The following DDN variants were observed in gnomAD, a reference collection of about 807,000 sequenced individuals.
The protein encoded by DDN is dendrin.
In DDN, 4 loss-of-function variants were observed where a neutral mutation model predicts 7.3. That is an observed-to-expected ratio of 0.55 (90% confidence interval 0.27 to 1.25). The LOEUF (loss-of-function observed/expected upper bound fraction) is 1.25. Among genes scored for constraint, DDN ranks in the 50% most tolerant of loss-of-function variants. The pLI is 0.12. For synonymous variants in DDN, 425 were observed against 424.3 expected (o/e 1.00, Z -0.02); for missense variants, 933 against 974.7 (o/e 0.96, Z 0.57).
At position 48,996,966 on chromosome 12, in the gene DDN, T is replaced by A. The variant is rs776634644; in HGVS notation, c.1910A>T (p.His637Leu). 6.3e-7 allele frequency: 1 copy of A among 1,576,122 alleles called. No individual in the cohort carries two copies. The highest frequency in any genetic ancestry group is 1.1e-5 in the South Asian group (1 of 87,902). ...GTCGCTTCCATCAGAGGAGCCGCTA[T>A]GGACGCTGAGCTCCTCAGCTTCGTC... The part of the protein sequence containing the change: ...DTDEAEELSV[H>L]SGSSDGSDTE... Residue 637 changes from histidine to leucine, a missense_variant, in exon 2 of 2, where the codon CAT becomes CTT. Physicochemically the swap from His to Leu is moderately conservative, Grantham distance 99. Transcript: ENST00000421952.
At position 48,996,588 on chromosome 12, in the gene DDN, G is replaced by A; in HGVS notation, c.*152C>T. The A allele has an allele frequency of 1.5e-6, 2 of 1,297,270 alleles. No homozygotes were observed. The highest frequency in any genetic ancestry group is 2.1e-6 in the Non-Finnish European group (2 of 972,484). The allele number at this position is 1,297,270 out of a possible 1,614,324, so 80.4% of individuals were successfully genotyped here. On this transcript the variant is annotated 3_prime_UTR_variant, in exon 2 of 2. Coordinates refer to ENST00000421952, the MANE Select transcript of DDN (RefSeq NM_015086.2). ...GAAACAAAATCATTAATGGGCATAT[G>A]CTTCCCTTCCTTTCATTTATATTTC...
Position 48,995,777 on chromosome 12 carries a change from T to A in DDN, c.*963A>T, listed in dbSNP as rs1941196187. 1 of 152,394 alleles carries A rather than the reference T, an allele frequency of 6.6e-6. No homozygotes were observed. The highest frequency in any genetic ancestry group is 1.5e-5 in the Non-Finnish European group (1 of 68,166). 9.4% of individuals were successfully genotyped at this position (152,394 alleles called of 1,614,324 possible). Reference sequence around the variant, plus strand: ...CGCCTCAGAGCATCACTAAGGAGCATCGGGGTGGAGGAAAAGGGGAAGGCC... The same window carrying A: ...CGCCTCAGAGCATCACTAAGGAGCAACGGGGTGGAGGAAAAGGGGAAGGCC... On this transcript the variant is annotated 3_prime_UTR_variant, in exon 2 of 2. Coordinates refer to ENST00000421952, the MANE Select transcript of DDN (RefSeq NM_015086.2).
rs1555180011 is a variant in DDN at position 48,995,368 on chromosome 12, G to C, written c.*1372C>G. ...CAGACAGAGGAGGTGTCCAAGGATC[G>C]GAGAGAAAAAAAAAAAGACTTCGGT... On this transcript the variant is annotated 3_prime_UTR_variant, in exon 2 of 2. Transcript: ENST00000421952. 6.6e-6 allele frequency: 1 copy of C among 152,378 alleles called. No homozygotes were observed. Among genetic ancestry groups the C allele is most frequent in the Admixed American group, 6.6e-5 (1 of 15,266 alleles). The allele number at this position is 152,378 out of a possible 1,614,324, so 9.4% of individuals were successfully genotyped here. A position where few individuals can be genotyped will look rare whatever the true frequency, so the allele number is the denominator to read the frequency against.
At position 48,996,634 on chromosome 12, in the gene DDN, G is replaced by C. The variant is rs969928687; in HGVS notation, c.*106C>G. 1.8e-5 allele frequency: 27 copies of C among 1,475,540 alleles called. No individual in the cohort carries two copies. The highest frequency in any genetic ancestry group is 2.1e-4 in the Middle Eastern group (1 of 4,876). 91.4% of individuals were successfully genotyped at this position (1,475,540 alleles called of 1,614,324 possible). ...ATTTCAAGGATGAGAACAGGTATGGGTAAAGATACAAGGAAAAGAGAAGCA... is the reference window on the plus strand; with the variant it reads ...ATTTCAAGGATGAGAACAGGTATGGCTAAAGATACAAGGAAAAGAGAAGCA... On this transcript the variant is annotated 3_prime_UTR_variant, in exon 2 of 2. Transcript: ENST00000421952.
rs1475767790 is a variant in DDN at position 48,997,777 on chromosome 12, G to A, written c.1099C>T (p.His367Tyr). 42 of 1,611,654 alleles carry A rather than the reference G, an allele frequency of 2.6e-5. No individual in the cohort carries two copies. Among genetic ancestry groups the A allele is most frequent in the Non-Finnish European group, 3.5e-5 (41 of 1,178,362 alleles). The change falls in exon 2 of 2, where the codon CAC becomes TAC. Residue 367 changes from histidine (H) to tyrosine (Y), a missense_variant. By Grantham distance (83) the His-to-Tyr change is moderately conservative. Transcript: ENST00000421952. ...TTCCCTTCCCTCGAGCCCTTGAGGTGGTGCCTGGATCTGGGAGCGGGATGC... is the reference window on the plus strand; with the variant it reads ...TTCCCTTCCCTCGAGCCCTTGAGGTAGTGCCTGGATCTGGGAGCGGGATGC... ...APHPAPRSRH[H>Y]LKGSREGKEG... is the part of the protein sequence containing the mutation.
At position 48,995,390 on chromosome 12, in the gene DDN, C is replaced by A. The variant is rs559234786; in HGVS notation, c.*1350G>T. On this transcript the variant is annotated 3_prime_UTR_variant, in exon 2 of 2. Transcript: ENST00000421952. ...ATCGGAGAGAAAAAAAAAAAGACTT[C>A]GGTGTCTGAGTCCCAAGCCGGCTGG... 1 of 152,402 alleles carries A rather than the reference C, an allele frequency of 6.6e-6. No homozygotes were observed. The highest frequency in any genetic ancestry group is 2.4e-5 in the African/African-American group (1 of 41,520). The allele number at this position is 152,402 out of a possible 1,614,324, so 9.4% of individuals were successfully genotyped here.
chr12:48,998,476 C>CA lies in DDN; in HGVS notation c.399dup (p.Gly134TrpfsTer105). 1 of 1,576,606 alleles carries CA rather than the reference C, an allele frequency of 6.3e-7. No homozygotes were observed. The highest frequency in any genetic ancestry group is 1.7e-5 in the Admixed American group (1 of 58,204). On this transcript the variant is annotated frameshift_variant, in exon 2 of 2. Transcript: ENST00000421952. LOFTEE classifies it low-confidence loss of function (END_TRUNC). The stretch of plus-strand genomic sequence containing the variant: ...CGACCCGGGGGGCTCCGTCGGGCCC[C>CA]ACCAGCCTTGCGCCTTTTTCGCTCG...
Position 48,996,861 on chromosome 12 carries a change from T to C in DDN, c.2015A>G (p.Lys672Arg). The C allele has an allele frequency of 6.2e-7, 1 of 1,614,206 alleles. No individual in the cohort carries two copies. Among genetic ancestry groups the C allele is most frequent in the Non-Finnish European group, 8.5e-7 (1 of 1,180,036 alleles). The stretch of plus-strand genomic sequence containing the variant: ...GACACTGTCGCTCAGTTCCGCTGTC[T>C]TCCCATCTTCCTCTGGCGAACTGTT... ...VGNSSPEEDGKTAELSDSVGE... is the reference protein window; with the variant it reads ...VGNSSPEEDGRTAELSDSVGE... The change falls in exon 2 of 2, where the codon AAG becomes AGG. Residue 672 changes from lysine (K) to arginine (R), a missense_variant. By Grantham distance (26) the Lys-to-Arg change is conservative. Transcript: ENST00000421952.
At chr12:48,998,967 G>T in intron 1 of DDN, 112 bp downstream of exon 1, 1 of 1,259,554 alleles carries the variant, frequency 7.9e-7, no homozygotes, top group Non-Finnish European at 1.1e-6. Context: ...GGCAGAGGTG[G>T]AAGGCGTGGG....
chr12:48,997,321 G>A lies in DDN; in HGVS notation c.1555C>T (p.Leu519Phe). 1 of 1,609,908 alleles carries A rather than the reference G, an allele frequency of 6.2e-7. No individual in the cohort carries two copies. The highest frequency in any genetic ancestry group is 8.5e-7 in the Non-Finnish European group (1 of 1,178,542). Residue 519 changes from leucine (L) to phenylalanine (F), a missense_variant, in exon 2 of 2, where the codon CTT becomes TTT. By Grantham distance (22) the Leu-to-Phe change is conservative. Transcript: ENST00000421952. ...PCQKRLSSSR[L>F]LHQPGGGRGG... ...CGGCCCCCGCCGGGCTGGTGTAAAA[G>A]GCGACTGCTCGACAGCCGCTTTTGA...
Position 48,998,370 on chromosome 12 carries a change from G to A in DDN, c.506C>T (p.Ala169Val), listed in dbSNP as rs771607976. 4.0e-6 allele frequency: 6 copies of A among 1,496,696 alleles called. No homozygotes were observed. In the Admixed American group the frequency reaches 6.8e-5, roughly 17 times the overall value. The allele number at this position is 1,496,696 out of a possible 1,614,324, so 92.7% of individuals were successfully genotyped here. Residue 169 changes from alanine (A) to valine (V), a missense_variant, in exon 2 of 2, where the codon GCG becomes GTG. Ala to Val is a moderately conservative substitution (Grantham distance 64). Coordinates refer to ENST00000421952, the MANE Select transcript of DDN (RefSeq NM_015086.2). ...TGGACGGGGCGCTCGCCCCACAGGC[G>A]CCAGGCGCTCCGGCCGCAAGGGAGC... ...LPAPLRPERL[A>V]PVGRAPRPSA...
chr12:48,998,231 G>T lies in DDN; in HGVS notation c.645C>A (p.Thr215=), dbSNP rs1403019191. 3.1e-6 allele frequency: 5 copies of T among 1,612,260 alleles called. No individual in the cohort carries two copies. The African/African-American group carries it at 5.3e-5, about 17-fold the overall frequency. Residue 215 remains threonine, a synonymous_variant, in exon 2 of 2, where the codon ACC becomes ACA. Coordinates refer to ENST00000421952, the MANE Select transcript of DDN (RefSeq NM_015086.2). Reference sequence around the variant, plus strand: ...GCCGGTCCCAGCGGCGTCGTGGGGCGGTCCCGGCAGAACCTCTCAGCAGCA... The same window carrying T: ...GCCGGTCCCAGCGGCGTCGTGGGGCTGTCCCGGCAGAACCTCTCAGCAGCA... ...AHLLLRGSAG[T]APRRRWDRPP...
chr12:48,998,031 A>G lies in DDN; in HGVS notation c.845T>C (p.Leu282Pro). ...RLDPRIYRDV[L>P]GAWGLRQGQG... is the part of the protein sequence containing the mutation. ...CCCCTGTCGGAGACCCCAAGCCCCGAGGACGTCCCGGTAGATCCGAGGATC... is the reference window on the plus strand; with the variant it reads ...CCCCTGTCGGAGACCCCAAGCCCCGGGGACGTCCCGGTAGATCCGAGGATC... The change falls in exon 2 of 2, where the codon CTC becomes CCC. Residue 282 changes from leucine (L) to proline (P), a missense_variant. By Grantham distance (98) the Leu-to-Pro change is moderately conservative. Coordinates refer to ENST00000421952, the MANE Select transcript of DDN (RefSeq NM_015086.2). 6.2e-7 allele frequency: 1 copy of G among 1,613,810 alleles called. No homozygotes were observed. Among genetic ancestry groups the G allele is most frequent in the Non-Finnish European group, 8.5e-7 (1 of 1,180,022 alleles).
Position 48,999,168 on chromosome 12 carries a change from A to G in DDN, c.120T>C (p.Thr40=). 1 of 1,613,998 alleles carries G rather than the reference A, an allele frequency of 6.2e-7. No individual in the cohort carries two copies. Among genetic ancestry groups the G allele is most frequent in the Non-Finnish European group, 8.5e-7 (1 of 1,179,964 alleles). Residue 40 remains threonine (T), a synonymous_variant, in exon 1 of 2, where the codon ACT becomes ACC. Coordinates refer to ENST00000421952, the MANE Select transcript of DDN (RefSeq NM_015086.2). ...KSKLLVIEVK[T]ISCHYSRRAP... is the part of the protein sequence containing the mutation. ...CGCGGCGACTATAATGACAGGAAAT[A>G]GTCTTCACTTCTATCACCAATAGCT...
Position 48,999,141 on chromosome 12 carries a change from G to A in DDN, c.147C>T (p.Ala49=), listed in dbSNP as rs1298813382. The A allele has an allele frequency of 1.2e-6, 2 of 1,614,122 alleles. No homozygotes were observed. The highest frequency in any genetic ancestry group is 4.5e-5 in the East Asian group (2 of 44,866). The change falls in exon 1 of 2, where the codon GCC becomes GCT. Residue 49 remains alanine (A), a synonymous_variant. Coordinates refer to ENST00000421952, the MANE Select transcript of DDN (RefSeq NM_015086.2). ...GGAAGTCCATGGGCTGTCGAGAAGG[G>A]GCGCGGCGACTATAATGACAGGAAA... ...KTISCHYSRR[A]PSRQPMDFQA...
At position 48,997,044 on chromosome 12, in the gene DDN, A is replaced by G. The variant is rs1941215714; in HGVS notation, c.1832T>C (p.Leu611Pro). 6.4e-7 allele frequency: 1 copy of G among 1,555,640 alleles called. No individual in the cohort carries two copies. Among genetic ancestry groups the G allele is most frequent in the Non-Finnish European group, 8.7e-7 (1 of 1,154,128 alleles). ...GCGGATACGGGACACGGCTTCTCGC[A>G]GGGCCCCGGCGTAGGGCCCTGGGGT... ...ARTPGPYAGA[L>P]REAVSRIRRH... is the part of the protein sequence containing the mutation. Residue 611 changes from leucine (L) to proline (P), a missense_variant, in exon 2 of 2, where the codon CTG becomes CCG. Leu to Pro is a moderately conservative substitution (Grantham distance 98). Coordinates refer to ENST00000421952, the MANE Select transcript of DDN (RefSeq NM_015086.2).
rs767355067 is a variant in DDN at position 48,996,476 on chromosome 12, C to G, written c.*264G>C. ...TTAGGCCTCTCTGCTCAGCTCCACA[C>G]CCAGTGCATCAGCCCCTGCGAAGAG... On this transcript the variant is annotated 3_prime_UTR_variant, in exon 2 of 2. Transcript: ENST00000421952. 8.5e-6 allele frequency: 4 copies of G among 468,748 alleles called. No individual in the cohort carries two copies. The highest frequency in any genetic ancestry group is 3.6e-5 in the Admixed American group (1 of 27,556). 29.0% of individuals were successfully genotyped at this position (468,748 alleles called of 1,614,324 possible).
chr12:48,997,655 G>C lies in DDN; in HGVS notation c.1221C>G (p.Pro407=). The change falls in exon 2 of 2, where the codon CCC becomes CCG. Residue 407 remains proline, a synonymous_variant. Coordinates refer to ENST00000421952, the MANE Select transcript of DDN (RefSeq NM_015086.2). ...HSQTLPRPWA[P]GGTGWRESLG... The stretch of plus-strand genomic sequence containing the variant: ...GAGATTCTCTCCATCCGGTGCCTCC[G>C]GGAGCCCAGGGTCTGGGGAGTGTCT... 1.3e-6 allele frequency: 2 copies of C among 1,550,750 alleles called. No individual in the cohort carries two copies. Among genetic ancestry groups the C allele is most frequent in the Non-Finnish European group, 8.7e-7 (1 of 1,147,404 alleles).
chr12:48,997,421 C>T lies in DDN; in HGVS notation c.1455G>A (p.Val485=), dbSNP rs761616848. ...VQLLPSGVTR[V]VGDSPSQSKP... is the part of the protein sequence containing the mutation. ...TCGATTGGCTGGGGGAATCCCCCAC[C>T]ACGCGTGTCACCCCAGAGGGCAAAA... The change falls in exon 2 of 2, where the codon GTG becomes GTA. Residue 485 remains valine (V), a synonymous_variant. Coordinates refer to ENST00000421952, the MANE Select transcript of DDN (RefSeq NM_015086.2). The T allele has an allele frequency of 6.2e-7, 1 of 1,614,042 alleles. No individual in the cohort carries two copies. The highest frequency in any genetic ancestry group is 1.1e-5 in the South Asian group (1 of 91,088).
Sources: gnomAD v4.1 joint callset for allele counts on GRCh38, gnomAD v4.1.1 for gene constraint, MANE v1.5 for transcripts, NCBI Gene and HGNC (gene_info 2026-07-23, HGNC 2026-07-21) for gene names.